The following GPD2 variants were observed in gnomAD, a reference collection of about 807,000 sequenced individuals.
GPD2 encodes glycerol-3-phosphate dehydrogenase 2, also known as glycerol-3-phosphate dehydrogenase, mitochondrial.
In GPD2, 54 loss-of-function variants were observed where a neutral mutation model predicts 82.4. The observed-to-expected ratio is 0.66, with a 90% confidence interval of 0.53 to 0.82. The LOEUF (loss-of-function observed/expected upper bound fraction) is 0.82, where lower values mean the gene tolerates loss of function less well. GPD2 is among the 40% of genes least tolerant of loss of function. The pLI is 0.00. For missense variants in GPD2, 748 were observed against 896.2 expected, an observed-to-expected ratio of 0.83 and a Z score of 2.11; for synonymous variants, 288 against 306.1, an observed-to-expected ratio of 0.94 and a Z score of 0.62.
At chr2:156,426,890 C>T in the GPD2 span, among the ~76,000 whole-genome samples, 2 of 151,954 alleles carry the variant, frequency 1.3e-5, no homozygotes, top group Non-Finnish European at 1.5e-5. Flanking sequence ...TTATGAAGGG[C>T]CTGATGCAGA....
chr2:156,577,575 A>G (rs1687870174), intron 13 of GPD2, among the ~76,000 whole-genome samples: 1 of 152,196 alleles, frequency 6.6e-6, no homozygotes, highest in South Asian at 2.1e-4. Flanking sequence ...AGTTCATGCA[A>G]GTGTATGTGT....
intron 4 of GPD2, among the ~76,000 whole-genome samples, chr2:156,511,677 A>T (rs947128957): frequency 6.6e-6 from 1 of 152,212 alleles, no homozygotes; most frequent in African/African-American, 2.4e-5. Context: ...CTCAAAATCT[A>T]TGAGTCTGTT....
intron 9 of GPD2, among the ~76,000 whole-genome samples, chr2:156,567,257 T>C (rs866780213): frequency 1.3e-5 from 2 of 152,090 alleles, no homozygotes; most frequent in Middle Eastern, 6.8e-3. Context: ...TGATGTCACA[T>C]CCAAGAAACT....
At chr2:156,575,214 A>G (rs1687772000) in intron 13 of GPD2, among the ~76,000 whole-genome samples, 1 of 152,150 alleles carries the variant, frequency 6.6e-6, no homozygotes, top group Non-Finnish European at 1.5e-5. Context: ...CAAAAACGAG[A>G]GGAGAGAAAA....
chr2:156,504,359 C>T (rs1188827186), intron 3 of GPD2, among the ~76,000 whole-genome samples: 1 of 151,590 alleles, frequency 6.6e-6, no homozygotes, highest in Non-Finnish European at 1.5e-5. Flanking sequence ...AGTTAAGTGC[C>T]CAAAGCTTTT....
the GPD2 span, among the ~76,000 whole-genome samples, chr2:156,400,442 A>G: frequency 6.6e-6 from 1 of 152,202 alleles, no homozygotes; most frequent in Non-Finnish European, 1.5e-5. Flanking sequence ...GGGAGGTGCC[A>G]GCTCCGGCAG....
At chr2:156,568,989 T>C in intron 10 of GPD2, 30 bp downstream of exon 10, 1 of 1,441,510 alleles carries the variant, frequency 6.9e-7, no homozygotes. Context: ...TATTTTCTTT[T>C]CTTTTTTTTT....
chr2:156,406,493 T>G, the GPD2 span, among the ~76,000 whole-genome samples: 1 of 152,232 alleles, frequency 6.6e-6, no homozygotes, highest in Non-Finnish European at 1.5e-5. Context: ...GCTCACTCCC[T>G]GGGCTACCCA....
intron 2 of GPD2, among the ~76,000 whole-genome samples, chr2:156,485,484 C>G (rs949538377): frequency 1.3e-5 from 2 of 152,172 alleles, no homozygotes; most frequent in Admixed American, 1.3e-4. Context: ...CATTCATAGT[C>G]CATTCTCTAT....
chr2:156,458,818 T>C (rs1001678299), intron 1 of GPD2, among the ~76,000 whole-genome samples: 3 of 152,140 alleles, frequency 2.0e-5, no homozygotes, highest in Non-Finnish European at 2.9e-5. Context: ...TTCCACATTT[T>C]TTTCTAATTA....
intron 5 of GPD2, 71 bp from the exon 6 acceptor site, chr2:156,513,262 G>T: frequency 9.4e-7 from 1 of 1,058,448 alleles, no homozygotes; most frequent in Non-Finnish European, 1.5e-6. Flanking sequence ...AAAGTGTCTT[G>T]TAGTGTAAGG....
chr2:156,531,821 G>C (rs781109144), intron 6 of GPD2, among the ~76,000 whole-genome samples: 1 of 152,124 alleles, frequency 6.6e-6, no homozygotes, highest in Non-Finnish European at 1.5e-5. Context: ...TCTCTCCATA[G>C]GACAAATGGA....
At chr2:156,409,063 A>C in the GPD2 span, among the ~76,000 whole-genome samples, 2 of 152,182 alleles carry the variant, frequency 1.3e-5, no homozygotes, top group African/African-American at 2.4e-5. Flanking sequence ...ATGCTTCTAT[A>C]AACTAAGAAA....
the GPD2 span, among the ~76,000 whole-genome samples, chr2:156,413,350 G>C: frequency 6.6e-6 from 1 of 152,022 alleles, no homozygotes; most frequent in Non-Finnish European, 1.5e-5. Context: ...GGGAGGCCGA[G>C]GCAGGTGGAT....
intron 6 of GPD2, among the ~76,000 whole-genome samples, chr2:156,544,551 G>A (rs564433047): frequency 1.1e-4 from 16 of 152,232 alleles, no homozygotes; most frequent in African/African-American, 3.4e-4. Context: ...GGAAGCGTAC[G>A]ATTTCTGATT....
At chr2:156,433,100 G>T (rs298306), upstream of GPD2, among the ~76,000 whole-genome samples, 135,812 of 152,186 alleles carry the variant, frequency 0.89, 62,260 homozygotes, top group South Asian at 1. Context: ...TTAACCGACT[G>T]CAACTTGTTT....
At chr2:156,537,955 T>A (rs1403779856) in intron 6 of GPD2, among the ~76,000 whole-genome samples, 2 of 152,282 alleles carry the variant, frequency 1.3e-5, no homozygotes, top group Non-Finnish European at 2.9e-5. Context: ...AATGTTTACA[T>A]GTTTTATATT....
chr2:156,433,571 C>G (rs1388450108), upstream of GPD2, among the ~76,000 whole-genome samples: 1 of 152,174 alleles, frequency 6.6e-6, no homozygotes, highest in Middle Eastern at 3.2e-3. Context: ...GCTCCGGAGT[C>G]TGATTTGAGT....
chr2:156,480,941 A>G (rs573121651), intron 2 of GPD2, among the ~76,000 whole-genome samples: 3 of 151,430 alleles, frequency 2.0e-5, no homozygotes, highest in Middle Eastern at 3.4e-3. Context: ...TTCTAAGAAG[A>G]TCATTCCTCC....
Sources: gnomAD v4.1 joint callset for allele counts (sites outside exome capture counted in the v4.1 genomes callset) on GRCh38, gnomAD v4.1.1 for gene constraint, MANE v1.5 for transcripts, NCBI Gene and HGNC (gene_info 2026-07-23, HGNC 2026-07-21) for gene names.